GPM6B: variants seen among roughly 807,000 people sequenced by gnomAD.
GPM6B encodes the protein neuronal membrane glycoprotein M6-b.
Under a neutral mutation model 27.2 loss-of-function variants are expected in GPM6B, and 4 were observed. The observed-to-expected ratio is 0.15, with a 90% confidence interval of 0.07 to 0.34. The LOEUF (loss-of-function observed/expected upper bound fraction) is 0.34, where lower values mean the gene tolerates loss of function less well. GPM6B is among the 10% of genes least tolerant of loss of function. The pLI, the probability that GPM6B is intolerant of heterozygous loss-of-function variation, is 1.00. For synonymous variants in GPM6B, 124 were observed against 103.1 expected (o/e 1.20, Z -1.23); for missense variants, 183 against 261.9 (o/e 0.70, Z 2.08).
chrX:13,780,094 C>T, intron 4 of GPM6B, 105 bp from the exon 5 acceptor site: 1 of 657,403 alleles, frequency 1.5e-6, no homozygotes, highest in Non-Finnish European at 2.2e-6. Context: ...ACCTGTGGAA[C>T]ACATTGTGGG....
intron 1 of GPM6B, among the ~76,000 whole-genome samples, chrX:13,843,811 G>A (rs192865839): frequency 7.1e-5 from 8 of 111,957 alleles, no homozygotes; most frequent in Admixed American, 6.6e-4. Context: ...CTGGATGCAA[G>A]TCTCTTAGAT....
chrX:13,887,164 C>T (rs1161082653), intron 1 of GPM6B, among the ~76,000 whole-genome samples: 1 of 112,221 alleles, frequency 8.9e-6, no homozygotes, highest in Admixed American at 9.5e-5. Flanking sequence ...CTATCCATGC[C>T]AATCTGTCCA....
At chrX:13,912,042 C>G (rs2050382975) in intron 1 of GPM6B, among the ~76,000 whole-genome samples, 1 of 111,800 alleles carries the variant, frequency 8.9e-6, no homozygotes, top group Non-Finnish European at 1.9e-5. Context: ...ACCAGACGCC[C>G]TTCCCCAGGC....
At position 13,886,719 on chromosome X, in the gene GPM6B, TAAAAAAAAA is replaced by T. The variant is rs5901522; in HGVS notation, c.-198+51599_-198+51607del. Reference sequence around the variant, plus strand: ...ACCTCTCTCTACCTTAAGTCACTACTAAAAAAAAAAAAAAAAAAAAAAATCTAGAAACTC... The same window carrying T: ...ACCTCTCTCTACCTTAAGTCACTACTAAAAAAAAAAAAAATCTAGAAACTC... On this transcript the variant is annotated intron_variant, in intron 1 of 6. Transcript: ENST00000398361. Among the ~76,000 whole-genome samples the T allele has an allele frequency of 3.7e-4, 13 of 35,099 alleles. 1 individual carries two copies. In the East Asian group the frequency reaches 0.019, roughly 52 times the overall value. 30.5% of individuals were successfully genotyped at this position (35,099 alleles called of 115,157 possible).
intron 1 of GPM6B, among the ~76,000 whole-genome samples, chrX:13,842,743 T>A (rs2049593827): frequency 1.8e-5 from 2 of 111,049 alleles, no homozygotes; most frequent in African/African-American, 6.6e-5. Context: ...GAAAAAAAAT[T>A]TTTTAAAAGC....
At chrX:13,805,205 G>A (rs1436882286) in intron 2 of GPM6B, among the ~76,000 whole-genome samples, 2 of 112,160 alleles carry the variant, frequency 1.8e-5, no homozygotes, top group African/African-American at 6.5e-5. Flanking sequence ...GTTAGTTCAT[G>A]GAATTCTCGC....
intron 5 of GPM6B, among the ~76,000 whole-genome samples, chrX:13,779,373 G>T (rs1480673400): frequency 8.9e-6 from 1 of 112,501 alleles, no homozygotes; most frequent in Non-Finnish European, 1.9e-5. Flanking sequence ...AGTTTAAGCA[G>T]TTGGTCATTT....
chrX:13,793,493 C>A (rs2048752987), intron 2 of GPM6B, among the ~76,000 whole-genome samples: 1 of 112,040 alleles, frequency 8.9e-6, no homozygotes, highest in Non-Finnish European at 1.9e-5. Flanking sequence ...TGAGACCTAT[C>A]TCAGATAGCT....
intron 1 of GPM6B, among the ~76,000 whole-genome samples, chrX:13,827,107 A>G (rs765181838): frequency 1.0e-4 from 11 of 109,643 alleles, no homozygotes; most frequent in Middle Eastern, 4.6e-3. Context: ...CTCAACCACA[A>G]AGCTGGTGGA....
chrX:13,852,773 CT>C lies in GPM6B; in HGVS notation c.-197-66966del, dbSNP rs386416656. On this transcript the variant is annotated intron_variant, in intron 1 of 6. Coordinates refer to the GPM6B transcript ENST00000398361. Reference sequence around the variant, plus strand: ...GGCTGGGGGAAGAGTACAACAAAAACTTTTTTTTTTTTTTTTTAAAGACTGG... The same window carrying C: ...GGCTGGGGGAAGAGTACAACAAAAACTTTTTTTTTTTTTTTTAAAGACTGG... Among the ~76,000 whole-genome samples, 242 of 88,938 alleles carry C rather than the reference CT, an allele frequency of 2.7e-3. 2 individuals are homozygous for C. The East Asian group carries it at 0.046, about 17-fold the overall frequency. The allele number at this position is 88,938 out of a possible 115,157, so 77.2% of individuals were successfully genotyped here. A position where few individuals can be genotyped will look rare whatever the true frequency, so the allele number is the denominator to read the frequency against.
intron 1 of GPM6B, among the ~76,000 whole-genome samples, chrX:13,864,911 A>G (rs1213961849): frequency 8.9e-6 from 1 of 112,223 alleles, no homozygotes; most frequent in Non-Finnish European, 1.9e-5. Context: ...TTCCCTGTAT[A>G]TACATACAAT....
At chrX:13,887,071 G>A (rs1243226658) in intron 1 of GPM6B, among the ~76,000 whole-genome samples, 9 of 111,867 alleles carry the variant, frequency 8.0e-5, no homozygotes, top group African/African-American at 2.6e-4. Context: ...TGCCCACCTC[G>A]GCCTCCCAAA....
chrX:13,864,387 C>T (rs1934439189), intron 1 of GPM6B, among the ~76,000 whole-genome samples: 1 of 112,592 alleles, frequency 8.9e-6, no homozygotes, highest in South Asian at 3.7e-4. Flanking sequence ...TGCAGATCCC[C>T]CTTGGGCACC....
chrX:13,842,122 C>G (rs143918872), intron 1 of GPM6B, among the ~76,000 whole-genome samples: 2,145 of 111,897 alleles, frequency 0.019, 60 homozygotes, highest in African/African-American at 0.067. Context: ...TCTCATGGAA[C>G]AAGGGCCACA....
At position 13,849,892 on chromosome X, in the gene GPM6B, T is replaced by G. The variant is rs2049694502; in HGVS notation, c.-197-64084A>C. Reference sequence around the variant, plus strand: ...TGGCCAACATGGTGAAACCTCATCTTTACTAAAAATACAAAAATTAGCCAG... The same window carrying G: ...TGGCCAACATGGTGAAACCTCATCTGTACTAAAAATACAAAAATTAGCCAG... On this transcript the variant is annotated intron_variant, in intron 1 of 6. Transcript: ENST00000398361. Among the ~76,000 whole-genome samples the G allele has an allele frequency of 3.7e-5, 4 of 109,562 alleles. No homozygotes were observed. In the South Asian group the frequency reaches 1.6e-3, roughly 44 times the overall value.
intron 2 of GPM6B, among the ~76,000 whole-genome samples, chrX:13,786,738 CTT>C (rs1352872154): frequency 2.7e-5 from 3 of 111,346 alleles, no homozygotes; most frequent in Non-Finnish European, 5.7e-5. Flanking sequence ...GTAAGTCACT[CTT>C]AATCTTGAAA....
chrX:13,834,991 A>AATG (rs1332018634), intron 1 of GPM6B, among the ~76,000 whole-genome samples: 1 of 112,231 alleles, frequency 8.9e-6, no homozygotes, highest in African/African-American at 3.2e-5. Flanking sequence ...TGGAGGAGCT[A>AATG]ATGGGCTCAT....
chrX:13,804,809 A>G (rs1260725188), intron 2 of GPM6B, among the ~76,000 whole-genome samples: 2 of 50,086 alleles, frequency 4.0e-5, no homozygotes, highest in African/African-American at 1.9e-4. Flanking sequence ...AATAAAAAAA[A>G]AAAGAAAAAA....
intron 2 of GPM6B, among the ~76,000 whole-genome samples, chrX:13,800,171 A>G (rs1280051719): frequency 9.0e-6 from 1 of 111,550 alleles, no homozygotes; most frequent in Non-Finnish European, 1.9e-5. Context: ...AGCTATGGAG[A>G]GCCCACACAT....
Sources: gnomAD v4.1 joint callset for allele counts (sites outside exome capture counted in the v4.1 genomes callset) on GRCh38, gnomAD v4.1.1 for gene constraint, MANE v1.5 for transcripts, NCBI Gene and HGNC (gene_info 2026-07-23, HGNC 2026-07-21) for gene names.